Variants in FAT3 observed in about 807,000 individuals in gnomAD.
FAT3 encodes protocadherin Fat 3.
In FAT3, 95 loss-of-function variants were observed where a neutral mutation model predicts 310.2. That is an observed-to-expected ratio of 0.31 (90% confidence interval 0.26 to 0.36). FAT3 has a LOEUF of 0.36. FAT3 is among the 10% of genes least tolerant of loss of function. The pLI, the probability that FAT3 is intolerant of heterozygous loss-of-function variation, is 1.00. For synonymous variants in FAT3, 2,314 were observed against 2,192.9 expected (o/e 1.06, Z -1.54); for missense variants, 5,408 against 5,715.6 (o/e 0.95, Z 1.74).
At chr11:92,360,052 T>G (rs377452198) in intron 2 of FAT3, among the ~76,000 whole-genome samples, 3 of 151,980 alleles carry the variant, frequency 2.0e-5, no homozygotes, top group Non-Finnish European at 4.4e-5. Context: ...GAGGAATCGC[T>G]ACACTGACTT....
intron 1 of FAT3, among the ~76,000 whole-genome samples, chr11:92,237,060 G>A (rs1036238212): frequency 2.0e-5 from 3 of 152,142 alleles, no homozygotes; most frequent in Non-Finnish European, 4.4e-5. Flanking sequence ...TGTGTGTAAG[G>A]TAAGGTTGGC....
intron 3 of FAT3, chr11:92,559,592 G>C (rs992172150): frequency 5.2e-6 from 1 of 193,460 alleles, no homozygotes; most frequent in South Asian, 6.8e-5. Context: ...TGCCCAAGCT[G>C]GTCTTGATCT....
At chr11:92,372,623 A>G (rs189555327) in intron 2 of FAT3, among the ~76,000 whole-genome samples, 94 of 151,938 alleles carry the variant, frequency 6.2e-4, no homozygotes, top group African/African-American at 2.1e-3. Flanking sequence ...AAAGAGGAAA[A>G]GTAGCAGCAC....
At chr11:92,717,349 C>A (rs944371804) in intron 4 of FAT3, among the ~76,000 whole-genome samples, 1 of 152,168 alleles carries the variant, frequency 6.6e-6, no homozygotes, top group African/African-American at 2.4e-5. Flanking sequence ...CCTAATTCAG[C>A]GCTTCAGCTA....
chr11:92,229,889 A>G (rs1256721611), intron 1 of FAT3, among the ~76,000 whole-genome samples: 2 of 151,530 alleles, frequency 1.3e-5, no homozygotes, highest in African/African-American at 4.8e-5. Flanking sequence ...AGATTTCAGA[A>G]CTTAATCAAT....
intron 10 of FAT3, among the ~76,000 whole-genome samples, chr11:92,803,747 T>C (rs920374789): frequency 1.3e-5 from 2 of 152,164 alleles, no homozygotes; most frequent in African/African-American, 4.8e-5. Context: ...CAAAAATGTC[T>C]CCAGACATAT....
intron 2 of FAT3, among the ~76,000 whole-genome samples, chr11:92,396,070 C>T (rs1949862903): frequency 6.6e-6 from 1 of 152,164 alleles, no homozygotes; most frequent in South Asian, 2.1e-4. Context: ...GTCATGGGCA[C>T]ATCCAGACCC....
chr11:92,576,407 G>C (rs1379163573), intron 3 of FAT3, among the ~76,000 whole-genome samples: 2 of 152,136 alleles, frequency 1.3e-5, no homozygotes, highest in Non-Finnish European at 2.9e-5. Context: ...CAAGTAAATT[G>C]ATAAAACTTC....
intron 1 of FAT3, among the ~76,000 whole-genome samples, chr11:92,306,576 ATATATATTTATATTATATATAT>A (rs1163758748): frequency 2.2e-4 from 27 of 124,014 alleles, no homozygotes; most frequent in African/African-American, 3.0e-4. Flanking sequence ...ATTATATATT[ATATATATTTATATTATATATAT>A]TATATATTTA....
At chr11:92,837,579 G>A in intron 16 of FAT3, 84 bp from the exon 17 acceptor site, 1 of 1,518,382 alleles carries the variant, frequency 6.6e-7, no homozygotes, top group Non-Finnish European at 9.0e-7. Context: ...ACAAAGCACA[G>A]CCTGTAGCTC....
At chr11:92,635,384 G>A (rs1047996399) in intron 3 of FAT3, among the ~76,000 whole-genome samples, 9 of 152,046 alleles carry the variant, frequency 5.9e-5, no homozygotes, top group African/African-American at 1.9e-4. Flanking sequence ...GCTATAGTTA[G>A]TTTTCCACTG....
At chr11:92,298,895 C>T (rs1946920654) in intron 1 of FAT3, among the ~76,000 whole-genome samples, 1 of 151,944 alleles carries the variant, frequency 6.6e-6, no homozygotes, top group Non-Finnish European at 1.5e-5. Context: ...TTTTTTCAGC[C>T]CAGCTTCCAC....
chr11:92,476,449 G>A (rs1333484090), intron 2 of FAT3, among the ~76,000 whole-genome samples: 2 of 152,120 alleles, frequency 1.3e-5, no homozygotes, highest in African/African-American at 4.8e-5. Flanking sequence ...AGAGAGTTTA[G>A]AATTTCCTTG....
chr11:92,372,929 G>A (rs967288719), intron 2 of FAT3, among the ~76,000 whole-genome samples: 2 of 152,078 alleles, frequency 1.3e-5, no homozygotes, highest in African/African-American at 4.8e-5. Context: ...CGAAGTGCTG[G>A]GATTACAGGC....
At chr11:92,250,605 C>T (rs1865098284) in intron 1 of FAT3, among the ~76,000 whole-genome samples, 1 of 151,992 alleles carries the variant, frequency 6.6e-6, no homozygotes, top group Admixed American at 6.6e-5. Flanking sequence ...AAATTTAATA[C>T]ATCAGAAGGG....
chr11:92,787,757 TTATAA>T (rs561987586), intron 7 of FAT3, among the ~76,000 whole-genome samples: 141 of 151,354 alleles, frequency 9.3e-4, no homozygotes, highest in African/African-American at 2.9e-3. Context: ...ATGATCATAG[TTATAA>T]TATAATAAGA....
At chr11:92,661,371 C>T (rs779049972) in intron 3 of FAT3, among the ~76,000 whole-genome samples, 6 of 152,206 alleles carry the variant, frequency 3.9e-5, no homozygotes, top group Non-Finnish European at 8.8e-5. Context: ...GGCAGTCATC[C>T]ATGATATATC....
chr11:92,545,777 G>A (rs530110779), intron 3 of FAT3, among the ~76,000 whole-genome samples: 2 of 152,182 alleles, frequency 1.3e-5, no homozygotes. Context: ...GCCTTGCCAA[G>A]CATCTATTTA....
intron 2 of FAT3, among the ~76,000 whole-genome samples, chr11:92,393,679 T>A (rs1381376346): frequency 6.6e-6 from 1 of 152,238 alleles, no homozygotes; most frequent in Admixed American, 6.5e-5. Context: ...CCACAATAAT[T>A]GGCAGTGTAA....
Sources: gnomAD v4.1 joint callset for allele counts (sites outside exome capture counted in the v4.1 genomes callset) on GRCh38, gnomAD v4.1.1 for gene constraint, MANE v1.5 for transcripts, NCBI Gene and HGNC (gene_info 2026-07-23, HGNC 2026-07-21) for gene names.